The following COL6A6 variants were observed in gnomAD, a reference collection of about 807,000 sequenced individuals.
COL6A6 encodes the protein collagen alpha-6(VI) chain.
COL6A6 carries 183 observed loss-of-function variants against 208.6 expected under a neutral mutation model. The observed-to-expected ratio is 0.88, with a 90% CI of 0.78 to 0.99. The LOEUF (loss-of-function observed/expected upper bound fraction) is 0.99. Ranked by LOEUF, COL6A6 falls within the 50% of genes least tolerant of loss-of-function variation. COL6A6 has a pLI of 0.00. For synonymous variants in COL6A6, 973 were observed against 1,011.8 expected (o/e 0.96, Z 0.73); for missense variants, 2,816 against 2,815.2 (o/e 1.00, Z -0.01).
rs765546572 is a variant in COL6A6 at position 130,567,010 on chromosome 3, A to G, written c.1591A>G (p.Lys531Glu). The G allele has an allele frequency of 1.2e-6, 2 of 1,614,056 alleles. No individual in the cohort carries two copies. The highest frequency in any genetic ancestry group is 2.2e-5 in the South Asian group (2 of 91,084). ...ACTGAGTCTGTTGCAAAAAGCAAAG[A>G]AGCAGCGAGGAAACAAAGTTCCATG... The part of the protein sequence containing the change: ...FTLSLLQKAK[K>E]QRGNKVPCHL... The change falls in exon 5 of 37, where the codon AAG becomes GAG. Residue 531 changes from lysine (K) to glutamate (E), a missense_variant. Lys to Glu is a moderately conservative substitution (Grantham distance 56, BLOSUM62 1). Coordinates refer to ENST00000358511, the MANE Select transcript of COL6A6 (RefSeq NM_001102608.3).
chr3:130,609,093 A>C, intron 22 of COL6A6, 129 bp downstream of exon 22: 1 of 687,028 alleles, frequency 1.5e-6, no homozygotes. Context: ...CATGGTAATA[A>C]AGTAAGGAAG....
At position 130,524,558 on chromosome 3, in the gene COL6A6, A is replaced by G. The variant is rs187737196; in HGVS notation, c.-32+7161A>G. 6.6e-3 allele frequency among the ~76,000 whole-genome samples: 1,008 copies of G among 152,330 alleles called. 6 individuals carry two copies. Among genetic ancestry groups the G allele is most frequent in the African/African-American group, 0.022 (934 of 41,576 alleles). Reference sequence around the variant, plus strand: ...ACCTCATTTTCTTGGATCAGCTTGAATAGATAAATTCATAAATATGTATTC... The same window carrying G: ...ACCTCATTTTCTTGGATCAGCTTGAGTAGATAAATTCATAAATATGTATTC... On this transcript the variant is annotated intron_variant, in intron 1 of 36. Transcript: ENST00000358511.
chr3:130,559,349 G>T (rs946263448), intron 1 of COL6A6, among the ~76,000 whole-genome samples: 1 of 152,142 alleles, frequency 6.6e-6, no homozygotes, highest in African/African-American at 2.4e-5. Flanking sequence ...ACATCGTCTA[G>T]ACTTGTGAAG....
intron 3 of COL6A6, among the ~76,000 whole-genome samples, chr3:130,564,239 T>C (rs879586732): frequency 1.3e-5 from 2 of 152,250 alleles, no homozygotes; most frequent in Non-Finnish European, 2.9e-5. Flanking sequence ...CCAGACTGCC[T>C]TGCTTCCTGC....
chr3:130,626,179 A>G (rs2064879116), intron 24 of COL6A6, among the ~76,000 whole-genome samples: 1 of 152,226 alleles, frequency 6.6e-6, no homozygotes. Context: ...GATGATTTGC[A>G]TGAATCATCC....
chr3:130,574,229 G>A lies in COL6A6; in HGVS notation c.3251G>A (p.Arg1084Lys). 1.9e-6 allele frequency: 3 copies of A among 1,614,016 alleles called. No individual in the cohort carries two copies. Among genetic ancestry groups the A allele is most frequent in the Non-Finnish European group, 1.7e-6 (2 of 1,179,908 alleles). ...FGNTHIGAALREVEHYFRPDM... is the reference protein window; with the variant it reads ...FGNTHIGAALKEVEHYFRPDM... ...AACACACACATCGGTGCTGCACTCAGGGAGGTGGAACATTACTTCAGGCCA... is the reference window on the plus strand; with the variant it reads ...AACACACACATCGGTGCTGCACTCAAGGAGGTGGAACATTACTTCAGGCCA... Residue 1084 changes from arginine to lysine, a missense_variant, in exon 8 of 37, where the codon AGG becomes AAG. Arg to Lys is a conservative substitution (Grantham distance 26). Transcript: ENST00000358511.
intron 36 of COL6A6, among the ~76,000 whole-genome samples, chr3:130,667,241 G>T (rs1407710266): frequency 6.6e-6 from 1 of 152,064 alleles, no homozygotes; most frequent in Non-Finnish European, 1.5e-5. Flanking sequence ...CTAAACAAAT[G>T]TTTTTTTGTT....
rs571047190 is a variant in COL6A6, at chr3:130,675,514, C to T, written c.*117C>T. On this transcript the variant is annotated 3_prime_UTR_variant, in exon 37 of 37. Transcript: ENST00000358511. ...TTGTAGGTTATCAGGTGACTTGACCCCCTGCATTCATTGGTATTAAGATAT... is the reference window on the plus strand; with the variant it reads ...TTGTAGGTTATCAGGTGACTTGACCTCCTGCATTCATTGGTATTAAGATAT... 338 of 685,508 alleles carry T rather than the reference C, an allele frequency of 4.9e-4. No homozygotes were observed. Among genetic ancestry groups the T allele is most frequent in the Non-Finnish European group, 6.4e-4 (267 of 416,760 alleles). The allele number at this position is 685,508 out of a possible 1,614,324, so 42.5% of individuals were successfully genotyped here. A position where few individuals can be genotyped will look rare whatever the true frequency, so the allele number is the denominator to read the frequency against.
chr3:130,634,210 A>AT (rs1376982844), intron 26 of COL6A6, among the ~76,000 whole-genome samples: 3 of 50,298 alleles, frequency 6.0e-5, no homozygotes, highest in Middle Eastern at 7.7e-3. Flanking sequence ...GTTAAAAAAA[A>AT]AAATAAATAA....
intron 7 of COL6A6, among the ~76,000 whole-genome samples, chr3:130,572,991 T>C (rs995276394): frequency 2.0e-5 from 3 of 152,218 alleles, no homozygotes; most frequent in Admixed American, 2.0e-4. Context: ...TTGTTTTATA[T>C]TTGCTGTGTT....
intron 28 of COL6A6, among the ~76,000 whole-genome samples, chr3:130,641,011 CA>C (rs1408316293): frequency 6.6e-6 from 1 of 152,148 alleles, no homozygotes; most frequent in Non-Finnish European, 1.5e-5. Context: ...CTTATAATAG[CA>C]TCACCTAATA....
intron 28 of COL6A6, 132 bp from the exon 29 acceptor site, chr3:130,641,520 A>G (rs2065307757): frequency 4.4e-6 from 2 of 458,110 alleles, no homozygotes; most frequent in African/African-American, 4.0e-5. Context: ...GAAAACTCTC[A>G]ATTTTCTAAA....
chr3:130,649,209 T>C lies in COL6A6; in HGVS notation c.5380T>C (p.Cys1794Arg). 1 of 1,593,054 alleles carries C rather than the reference T, an allele frequency of 6.3e-7. No homozygotes were observed. Among genetic ancestry groups the C allele is most frequent in the Non-Finnish European group, 8.6e-7 (1 of 1,169,570 alleles). ...VRDIKVRENSCPVGAHIAILS... is the reference protein window; with the variant it reads ...VRDIKVRENSRPVGAHIAILS... ...AGACATTAAGGTCCGGGAGAACAGC[T>C]GCCCCGTGGGAGCGCACATCGCCAT... The change falls in exon 33 of 37, where the codon TGC (cysteine) becomes CGC (arginine). Residue 1794 changes from cysteine to arginine, a missense_variant. Physicochemically the swap from Cys to Arg is radical, Grantham distance 180 (BLOSUM62 -3). Coordinates refer to ENST00000358511, the MANE Select transcript of COL6A6 (RefSeq NM_001102608.3).
Position 130,529,053 on chromosome 3 carries a change from A to G in COL6A6, c.-32+11656A>G, listed in dbSNP as rs556433327. 1.4e-4 allele frequency among the ~76,000 whole-genome samples: 21 copies of G among 152,230 alleles called. No homozygotes were observed. In the East Asian group the frequency reaches 4.1e-3, roughly 29 times the overall value. Reference sequence around the variant, plus strand: ...TGCAGTGAGCTGAGATCATGCCGCCACTGCACTCCAGCCTGGGCAACATCC... The same window carrying G: ...TGCAGTGAGCTGAGATCATGCCGCCGCTGCACTCCAGCCTGGGCAACATCC... On this transcript the variant is annotated intron_variant, in intron 1 of 36. Transcript: ENST00000358511.
At chr3:130,539,355 G>T (rs1414188808) in intron 1 of COL6A6, among the ~76,000 whole-genome samples, 1 of 152,208 alleles carries the variant, frequency 6.6e-6, no homozygotes, top group East Asian at 1.9e-4. Context: ...TTATTTCTGG[G>T]CTGGGCGCGG....
In COL6A6 at chr3:130,570,694, A is replaced by T. The variant is rs188396760; in HGVS notation, c.2402-124A>T. On this transcript the variant is annotated intron_variant, in intron 6 of 36. Coordinates refer to ENST00000358511, the MANE Select transcript of COL6A6 (RefSeq NM_001102608.3). Reference sequence around the variant, plus strand: ...TATTGTCCTCTTATCCAGGGAACCGACATTCTAATGCACAGCATGATCCCC... The same window carrying T: ...TATTGTCCTCTTATCCAGGGAACCGTCATTCTAATGCACAGCATGATCCCC... 3 of 700,016 alleles carry T rather than the reference A, an allele frequency of 4.3e-6. No individual in the cohort carries two copies. The Admixed American group carries it at 8.6e-5, about 20-fold the overall frequency. 43.4% of individuals were successfully genotyped at this position (700,016 alleles called of 1,614,324 possible). A position where few individuals can be genotyped will look rare whatever the true frequency, so the allele number is the denominator to read the frequency against.
intron 36 of COL6A6, among the ~76,000 whole-genome samples, chr3:130,674,590 T>C (rs1256490434): frequency 6.6e-6 from 1 of 152,180 alleles, no homozygotes; most frequent in Non-Finnish European, 1.5e-5. Flanking sequence ...GATGGACCTA[T>C]GGAAGAAAGG....
chr3:130,573,859 G>T, intron 7 of COL6A6, 97 bp from the exon 8 acceptor site: 1 of 863,326 alleles, frequency 1.2e-6, no homozygotes, highest in Non-Finnish European at 1.8e-6. Context: ...GTGAGCCACC[G>T]CGCCCGGCCT....
intron 36 of COL6A6, among the ~76,000 whole-genome samples, chr3:130,674,689 T>C (rs1250070000): frequency 6.6e-6 from 1 of 152,220 alleles, no homozygotes; most frequent in Non-Finnish European, 1.5e-5. Context: ...CACTTTTAGG[T>C]TCCTGGGATT....
Sources: gnomAD v4.1 joint callset for allele counts (sites outside exome capture counted in the v4.1 genomes callset) on GRCh38, gnomAD v4.1.1 for gene constraint, MANE v1.5 for transcripts, NCBI Gene and HGNC (gene_info 2026-07-23, HGNC 2026-07-21) for gene names.